Variants in USP42 observed in about 807,000 individuals in gnomAD.
The protein encoded by USP42 is ubiquitin carboxyl-terminal hydrolase 42.
In USP42, 23 loss-of-function variants were observed where a neutral mutation model predicts 113.0. The ratio of observed to expected loss-of-function variants is 0.20; its 90% confidence interval spans 0.15 to 0.29. The LOEUF (loss-of-function observed/expected upper bound fraction) is 0.29, where lower values mean the gene tolerates loss of function less well. Among genes scored for constraint, USP42 ranks in the 10% least tolerant of loss-of-function variants. USP42 has a pLI of 1.00. For missense variants in USP42, 2,174 were observed against 1,779.8 expected (o/e 1.22, Z -3.99); for synonymous variants, 933 against 699.0 (o/e 1.33, Z -5.28).
intron 3 of USP42, among the ~76,000 whole-genome samples, chr7:6,124,260 A>T (rs1780398810): frequency 1.3e-5 from 2 of 151,642 alleles, no homozygotes; most frequent in African/African-American, 4.8e-5. Context: ...TGTATATTTA[A>T]AGTAGATTCC....
At position 6,128,381 on chromosome 7, in the gene USP42, C is replaced by A. The variant is rs948172022; in HGVS notation, c.443-7460C>A. Among the ~76,000 whole-genome samples, 7 of 151,994 alleles carry A rather than the reference C, an allele frequency of 4.6e-5. No homozygotes were observed. In the South Asian group the frequency reaches 6.2e-4, roughly 14 times the overall value. On this transcript the variant is annotated intron_variant, in intron 3 of 17. Coordinates refer to ENST00000306177, the MANE Select transcript of USP42 (RefSeq NM_032172.3). ...GGGCTCTAGGAATCCTCCATCTCAG[C>A]CTTTGGAGCAGTTGGGACCACAGGC... is the stretch of plus-strand genomic sequence containing the variant.
upstream of USP42, among the ~76,000 whole-genome samples, chr7:6,102,704 G>A (rs1562790522): frequency 6.6e-6 from 1 of 150,924 alleles, no homozygotes; most frequent in Non-Finnish European, 1.5e-5. Context: ...GTAGTAGTGG[G>A]GTAGGGCTGG....
At chr7:6,150,371 A>G in intron 13 of USP42, 41 bp from the exon 14 acceptor site, 1 of 1,611,904 alleles carries the variant, frequency 6.2e-7, no homozygotes, top group Non-Finnish European at 8.5e-7. Flanking sequence ...GGAGGCATGG[A>G]GCTGGCGACT....
chr7:6,151,968 C>T (rs1782084717), intron 14 of USP42, among the ~76,000 whole-genome samples: 2 of 152,078 alleles, frequency 1.3e-5, no homozygotes, highest in Admixed American at 6.6e-5. Flanking sequence ...AGGTACATGA[C>T]TGTACTTTGT....
chr7:6,115,281 T>G, intron 2 of USP42, 42 bp from the exon 3 acceptor site: 1 of 1,596,506 alleles, frequency 6.3e-7, no homozygotes, highest in East Asian at 2.2e-5. Context: ...AGCTTCAGTA[T>G]GCAAAGCTTG....
In USP42 at chr7:6,149,739, GAAC is replaced by G; in HGVS notation, c.1545_1547del (p.Glu515_His516delinsAsp). ...AGTTAATAGGTCCTCAGTGATCCCAGAACATCCTAAGAAACAAAAAATTACAAT... is the reference window on the plus strand; with the variant it reads ...AGTTAATAGGTCCTCAGTGATCCCAGATCCTAAGAAACAAAAAATTACAAT... On this transcript the variant is annotated inframe_deletion, in exon 13 of 18. Coordinates refer to ENST00000306177, the MANE Select transcript of USP42 (RefSeq NM_032172.3). 3 of 1,613,904 alleles carry G rather than the reference GAAC, an allele frequency of 1.9e-6. No individual in the cohort carries two copies. The highest frequency in any genetic ancestry group is 2.5e-6 in the Non-Finnish European group (3 of 1,179,880).
chr7:6,103,363 T>A (rs1320848149), upstream of USP42, among the ~76,000 whole-genome samples: 1 of 150,348 alleles, frequency 6.7e-6, no homozygotes, highest in Non-Finnish European at 1.5e-5. Flanking sequence ...ATGGTGAAAC[T>A]CTGTCTCTAC....
the USP42 span, among the ~76,000 whole-genome samples, chr7:6,094,073 G>A: frequency 6.0e-5 from 9 of 150,874 alleles, no homozygotes; most frequent in East Asian, 3.9e-4. Context: ...TAGTAGAGAC[G>A]GGGTTTCACC....
intron 3 of USP42, among the ~76,000 whole-genome samples, chr7:6,130,099 C>T (rs765903001): frequency 1.2e-4 from 19 of 152,100 alleles, no homozygotes; most frequent in Non-Finnish European, 2.4e-4. Flanking sequence ...AGTCCTCTTG[C>T]GTCGACCTCC....
Position 6,158,840 on chromosome 7 carries a change from GC to G in USP42, c.3944-609del. Reference sequence around the variant, plus strand: ...CCAGGATCATGGGCTTCCAGCTGGGGCTACTGGGAGACAGTGATGGCCCCCG... The same window carrying G: ...CCAGGATCATGGGCTTCCAGCTGGGGTACTGGGAGACAGTGATGGCCCCCG... On this transcript the variant is annotated intron_variant, in intron 16 of 17. Transcript: ENST00000306177. This position sits in a 1 kb window ranked among gnomAD's most constrained non-coding sequence, Gnocchi z 4.2. Among the ~76,000 whole-genome samples the G allele has an allele frequency of 6.6e-6, 1 of 152,226 alleles. No homozygotes were observed. Among genetic ancestry groups the G allele is most frequent in the East Asian group, 1.9e-4 (1 of 5,174 alleles).
chr7:6,116,388 A>G (rs1216103185), intron 3 of USP42: 2 of 168,366 alleles, frequency 1.2e-5, no homozygotes, highest in Non-Finnish European at 2.5e-5. Flanking sequence ...GTGGTTGACT[A>G]TCAACCTTCA....
the USP42 span, among the ~76,000 whole-genome samples, chr7:6,091,996 CTT>C: frequency 2.9e-5 from 2 of 69,102 alleles, no homozygotes; most frequent in African/African-American, 9.6e-5. Flanking sequence ...TCTTCTTCTT[CTT>C]CTTCTTCTTC....
At chr7:6,148,513 A>G (rs901627257) in intron 12 of USP42, among the ~76,000 whole-genome samples, 3 of 152,224 alleles carry the variant, frequency 2.0e-5, no homozygotes, top group Non-Finnish European at 4.4e-5. Context: ...GATTGCAGGA[A>G]AGCGATCTGT....
At chr7:6,097,904 TTTC>T in the USP42 span, among the ~76,000 whole-genome samples, 4 of 88,372 alleles carry the variant, frequency 4.5e-5, no homozygotes, top group South Asian at 3.7e-4. Context: ...TTTTCTTTCT[TTTC>T]TTTTTTTTTT....
chr7:6,089,036 T>A, the USP42 span: 1 of 150,126 alleles, frequency 6.7e-6, no homozygotes, highest in East Asian at 1.9e-4. Flanking sequence ...TTTATTTATT[T>A]ATTTATTTAT....
intron 14 of USP42, among the ~76,000 whole-genome samples, chr7:6,151,437 TTTTG>T (rs766404079): frequency 2.2e-4 from 34 of 152,032 alleles, no homozygotes; most frequent in Non-Finnish European, 3.2e-4. Flanking sequence ...TAACTTCTTT[TTTTG>T]TTTGTTTTTT....
At chr7:6,102,689 C>G (rs1790164166), upstream of USP42, among the ~76,000 whole-genome samples, 1 of 150,676 alleles carries the variant, frequency 6.6e-6, no homozygotes, top group African/African-American at 2.5e-5. Context: ...TTTCTACAAG[C>G]AGATGTAGTA....
At position 6,153,915 on chromosome 7, in the gene USP42, A is replaced by G; in HGVS notation, c.2361A>G (p.Lys787=). ...PPRDPGTPAT[K]EGAWEAMAVA... ...GCGATCCCGGCACCCCCGCTACCAAAGAAGGCGCCTGGGAGGCCATGGCCG... is the reference window on the plus strand; with the variant it reads ...GCGATCCCGGCACCCCCGCTACCAAGGAAGGCGCCTGGGAGGCCATGGCCG... The change falls in exon 15 of 18, where the codon AAA becomes AAG. Residue 787 remains lysine, a synonymous_variant. Transcript: ENST00000306177. 1.2e-6 allele frequency: 2 copies of G among 1,600,642 alleles called. No individual in the cohort carries two copies. The highest frequency in any genetic ancestry group is 1.7e-6 in the Non-Finnish European group (2 of 1,175,766).
chr7:6,109,191 A>G (rs996786567), intron 1 of USP42, among the ~76,000 whole-genome samples: 1 of 152,178 alleles, frequency 6.6e-6, no homozygotes, highest in Admixed American at 6.5e-5. Context: ...GAAGGTTGGA[A>G]AAGAGTCGGA....
Sources: allele counts gnomAD v4.1 joint callset (sites outside exome capture counted in the v4.1 genomes callset), GRCh38; gene constraint gnomAD v4.1.1; non-coding constraint Gnocchi (gnomAD v3.1); transcripts MANE v1.5; gene names NCBI Gene and HGNC (gene_info 2026-07-23, HGNC 2026-07-21).